Variants in MALRD1 observed in about 807,000 individuals in gnomAD.
The protein encoded by MALRD1 is MAM and LDL-receptor class A domain-containing protein 1.
Under a neutral mutation model 242.1 loss-of-function variants are expected in MALRD1, and 247 were observed. The observed-to-expected ratio is 1.02, with a 90% CI of 0.92 to 1.13. The LOEUF is 1.13. Among genes scored for constraint, MALRD1 ranks in the 50% most tolerant of loss-of-function variants. MALRD1 has a pLI of 0.00. For synonymous variants in MALRD1, 995 were observed against 866.6 expected (o/e 1.15, Z -2.60); for missense variants, 2,989 against 2,533.1 (o/e 1.18, Z -3.86).
At chr10:19,450,522 G>A in intron 29 of MALRD1, 32 bp downstream of exon 29, 1 of 1,521,284 alleles carries the variant, frequency 6.6e-7, no homozygotes, top group South Asian at 1.2e-5. Context: ...CCATTTGGAA[G>A]CACATTTTTA....
chr10:19,528,519 G>C (rs1020892375), intron 31 of MALRD1, among the ~76,000 whole-genome samples: 5 of 152,188 alleles, frequency 3.3e-5, no homozygotes, highest in South Asian at 4.2e-4. Flanking sequence ...CTTGAACCCG[G>C]GAGGCAGAGG....
intron 22 of MALRD1, 123 bp downstream of exon 22, chr10:19,324,228 A>AT (rs1843022215): frequency 1.1e-6 from 1 of 951,280 alleles, no homozygotes; most frequent in African/African-American, 1.7e-5. Flanking sequence ...ACTTCACTAG[A>AT]TTTATAGTGG....
chr10:19,353,923 G>C (rs7476434), intron 26 of MALRD1, among the ~76,000 whole-genome samples: 1 of 151,614 alleles, frequency 6.6e-6, no homozygotes, highest in African/African-American at 2.4e-5. Flanking sequence ...ATGAGTTTTC[G>C]TTATGTTGGC....
In MALRD1 at chr10:19,448,239, A is replaced by G. The variant is rs1835112616; in HGVS notation, c.4846-2068A>G. 2.0e-5 allele frequency among the ~76,000 whole-genome samples: 3 copies of G among 151,954 alleles called. No homozygotes were observed. In the South Asian group the frequency reaches 6.2e-4, roughly 32 times the overall value. ...ATTATGTGTAAATTACACATTTCAT[A>G]CCTATATGCTATAAATCTATTGGAA... On this transcript the variant is annotated intron_variant, in intron 28 of 39. Transcript: ENST00000454679.
At chr10:19,620,637 G>A (rs1839360276) in intron 36 of MALRD1, among the ~76,000 whole-genome samples, 1 of 151,818 alleles carries the variant, frequency 6.6e-6, no homozygotes, top group Non-Finnish European at 1.5e-5. Context: ...AGAGTTCATG[G>A]GCAAAAATTT....
At chr10:19,076,087 G>A (rs1030634497) in intron 2 of MALRD1, among the ~76,000 whole-genome samples, 1 of 151,868 alleles carries the variant, frequency 6.6e-6, no homozygotes, top group Non-Finnish European at 1.5e-5. Context: ...CATGGTTCCA[G>A]TTCCTCCAGT....
intron 4 of MALRD1, among the ~76,000 whole-genome samples, chr10:19,097,241 A>T (rs1461762262): frequency 6.6e-6 from 1 of 152,016 alleles, no homozygotes; most frequent in Non-Finnish European, 1.5e-5. Context: ...ACCAGCTTAG[A>T]CTCTAGGGTA....
intron 38 of MALRD1, 38 bp from the exon 39 acceptor site, chr10:19,730,668 A>T (rs994777898): frequency 6.6e-7 from 1 of 1,521,282 alleles, no homozygotes; most frequent in Admixed American, 2.0e-5. Context: ...GGTAAATGTC[A>T]ATAGTTTTTT....
At chr10:19,123,468 C>T in intron 5 of MALRD1, 24 bp from the exon 6 acceptor site, 2 of 1,211,340 alleles carry the variant, frequency 1.7e-6, no homozygotes, top group Non-Finnish European at 2.1e-6. Context: ...CATTTCACTT[C>T]TTGCCAATCT....
chr10:19,305,134 G>T (rs111944050), intron 21 of MALRD1, among the ~76,000 whole-genome samples: 6,147 of 151,648 alleles, frequency 0.041, 197 homozygotes, highest in African/African-American at 0.091. Context: ...AGTAATTGTG[G>T]TTTTTGCCAG....
At chr10:19,190,387 T>C (rs999180301) in intron 14 of MALRD1, among the ~76,000 whole-genome samples, 7 of 152,150 alleles carry the variant, frequency 4.6e-5, no homozygotes, top group African/African-American at 1.4e-4. Context: ...CAAAGTGATC[T>C]ACAGATTCGA....
intron 33 of MALRD1, among the ~76,000 whole-genome samples, chr10:19,578,714 T>C (rs1301919211): frequency 6.6e-6 from 1 of 151,758 alleles, no homozygotes; most frequent in Non-Finnish European, 1.5e-5. Context: ...TTTTTTTTTT[T>C]CACAGTACAC....
intron 4 of MALRD1, among the ~76,000 whole-genome samples, chr10:19,102,004 A>C (rs1588545519): frequency 7.1e-6 from 1 of 140,524 alleles, no homozygotes; most frequent in East Asian, 2.0e-4. Context: ...TATAACATAT[A>C]TCTATATTAT....
At chr10:19,611,100 C>T (rs1201294427) in intron 35 of MALRD1, among the ~76,000 whole-genome samples, 3 of 152,022 alleles carry the variant, frequency 2.0e-5, no homozygotes, top group Admixed American at 6.6e-5. Flanking sequence ...ACCTTATACA[C>T]ACCATTCACT....
intron 5 of MALRD1, among the ~76,000 whole-genome samples, chr10:19,120,658 G>C (rs1371534184): frequency 6.6e-6 from 1 of 152,176 alleles, no homozygotes; most frequent in African/African-American, 2.4e-5. Context: ...TGACTGATGG[G>C]TACAGGTGAT....
At chr10:19,428,725 T>C (rs1303563262) in intron 28 of MALRD1, among the ~76,000 whole-genome samples, 3 of 152,226 alleles carry the variant, frequency 2.0e-5, no homozygotes, top group Non-Finnish European at 4.4e-5. Context: ...GTTACATTAT[T>C]TAAACCGCAA....
intron 25 of MALRD1, among the ~76,000 whole-genome samples, chr10:19,349,160 T>A (rs111885900): frequency 0.04 from 6,139 of 152,162 alleles, 205 homozygotes; most frequent in African/African-American, 0.091. Context: ...GAGGTTTCAC[T>A]ATGTTGCCCA....
At chr10:19,124,262 C>T (rs752283279) in intron 6 of MALRD1, among the ~76,000 whole-genome samples, 22 of 152,050 alleles carry the variant, frequency 1.4e-4, no homozygotes, top group African/African-American at 2.4e-4. Flanking sequence ...ACACATACAA[C>T]AAAAACTAGG....
chr10:19,349,413 T>G (rs1336201265), intron 25 of MALRD1, among the ~76,000 whole-genome samples: 1 of 152,256 alleles, frequency 6.6e-6, no homozygotes, highest in African/African-American at 2.4e-5. Flanking sequence ...TGTCTCATCA[T>G]GAGTTGACTT....
Sources: allele counts gnomAD v4.1 joint callset (sites outside exome capture counted in the v4.1 genomes callset), GRCh38; gene constraint gnomAD v4.1.1; transcripts MANE v1.5; gene names NCBI Gene and HGNC (gene_info 2026-07-23, HGNC 2026-07-21).